RAB3B: variants seen among roughly 807,000 people sequenced by gnomAD.
RAB3B encodes the protein ras-related protein Rab-3B.
In RAB3B, 11 loss-of-function variants were observed where a neutral mutation model predicts 20.5. The ratio of observed to expected loss-of-function variants is 0.54; its 90% CI spans 0.34 to 0.89. The LOEUF (loss-of-function observed/expected upper bound fraction) is 0.89. RAB3B is among the 40% of genes least tolerant of loss of function. The pLI is 0.02. For synonymous variants in RAB3B, 99 were observed against 106.3 expected, an observed-to-expected ratio of 0.93 and a Z score of 0.42; for missense variants, 225 against 280.9, an observed-to-expected ratio of 0.80 and a Z score of 1.42.
intron 1 of RAB3B, among the ~76,000 whole-genome samples, chr1:51,981,568 T>C (rs918989116): frequency 9.9e-5 from 15 of 152,236 alleles, no homozygotes; most frequent in African/African-American, 3.1e-4. Flanking sequence ...ATACCTTCTA[T>C]GCATATTGTA....
intron 1 of RAB3B, among the ~76,000 whole-genome samples, chr1:51,981,576 G>T (rs1158694349): frequency 1.3e-5 from 2 of 152,120 alleles, no homozygotes; most frequent in African/African-American, 2.4e-5. Context: ...TATGCATATT[G>T]TAATAGCTGA....
At chr1:51,968,182 A>G (rs537434823) in intron 2 of RAB3B, among the ~76,000 whole-genome samples, 1 of 152,304 alleles carries the variant, frequency 6.6e-6, no homozygotes, top group Non-Finnish European at 1.5e-5. Flanking sequence ...ACACAGACTG[A>G]AACCAGCCAA....
chr1:51,929,070 A>C (rs1684287131), intron 4 of RAB3B, among the ~76,000 whole-genome samples: 1 of 152,200 alleles, frequency 6.6e-6, no homozygotes, highest in Admixed American at 6.5e-5. Context: ...TGCCTCCCCC[A>C]GCCACTGGGA....
intron 1 of RAB3B, among the ~76,000 whole-genome samples, chr1:51,984,357 C>A (rs1056137373): frequency 9.2e-5 from 13 of 142,046 alleles, no homozygotes; most frequent in Non-Finnish European, 1.5e-4. Flanking sequence ...ACATTATATT[C>A]CATCCTATAG....
rs551835198 is a variant in RAB3B, at chr1:51,930,966, G to A, written c.472+2352C>T. Among the ~76,000 whole-genome samples the A allele has an allele frequency of 1.4e-3, 218 of 151,974 alleles. 3 individuals are homozygous for A. Among genetic ancestry groups the A allele is most frequent in the African/African-American group, 5.0e-3 (208 of 41,404 alleles). ...CGGGAGGCAGAGGTTGCAGTAAGCC[G>A]AGATCGCCCCACTGCACTCCAGCCT... On this transcript the variant is annotated intron_variant, in intron 4 of 4. Coordinates refer to ENST00000371655, the MANE Select transcript of RAB3B (RefSeq NM_002867.4).
intron 1 of RAB3B, among the ~76,000 whole-genome samples, chr1:51,982,418 A>G (rs201158022): frequency 1.3e-5 from 2 of 152,272 alleles, no homozygotes; most frequent in East Asian, 3.9e-4. Flanking sequence ...ATCTCAAAAA[A>G]GGCCATACGG....
chr1:51,959,760 T>A (rs1325890866), intron 2 of RAB3B, among the ~76,000 whole-genome samples: 1 of 152,220 alleles, frequency 6.6e-6, no homozygotes, highest in East Asian at 1.9e-4. Flanking sequence ...TATATCGATA[T>A]TGGTTAATTA....
intron 2 of RAB3B, among the ~76,000 whole-genome samples, chr1:51,947,816 T>C (rs72903986): frequency 0.015 from 2,341 of 152,202 alleles, 64 homozygotes; most frequent in African/African-American, 0.053. Context: ...TAGAAGTCAT[T>C]CAATCCATCC....
At chr1:51,988,299 AC>A (rs1258110384) in intron 1 of RAB3B, among the ~76,000 whole-genome samples, 3 of 152,072 alleles carry the variant, frequency 2.0e-5, no homozygotes, top group Non-Finnish European at 4.4e-5. Flanking sequence ...ACCATTCCCC[AC>A]TGCTGACCCA....
chr1:51,937,522 A>T (rs1384585772), intron 2 of RAB3B, 110 bp from the exon 3 acceptor site: 14 of 652,058 alleles, frequency 2.1e-5, no homozygotes. Flanking sequence ...TTTGAGATGG[A>T]GTTTTGCTCT....
At position 51,933,454 on chromosome 1, in the gene RAB3B, T is replaced by C. The variant is rs1684355139; in HGVS notation, c.348-12A>G. On this transcript the variant is annotated splice_polypyrimidine_tract_variant and intron_variant, in intron 3 of 4. Transcript: ENST00000371655. ...TGATCTGAGTAGCCCTAAAATGAGA[T>C]AGAAAGAGATATGTTAATCATATTC... 5 of 1,606,750 alleles carry C rather than the reference T, an allele frequency of 3.1e-6. No individual in the cohort carries two copies. Among genetic ancestry groups the C allele is most frequent in the South Asian group, 2.2e-5 (2 of 90,576 alleles).
intron 2 of RAB3B, among the ~76,000 whole-genome samples, chr1:51,970,114 CAAAA>C (rs896305804): frequency 4.7e-5 from 7 of 149,276 alleles, no homozygotes; most frequent in African/African-American, 1.7e-4. Flanking sequence ...AACAAACAAA[CAAAA>C]AAACAAAAAC....
intron 4 of RAB3B, among the ~76,000 whole-genome samples, chr1:51,932,408 G>C (rs1352315598): frequency 6.6e-6 from 1 of 152,110 alleles, no homozygotes; most frequent in Admixed American, 6.6e-5. Context: ...CCTTACCCTG[G>C]ACCCCAATAC....
chr1:51,915,623 C>G lies in RAB3B; in HGVS notation c.*4304G>C, dbSNP rs777584197. ...CATTTAAAATAGATGTAAATAAACA[C>G]AATACTGTATTGCACTTTTGGCCAC... On this transcript the variant is annotated 3_prime_UTR_variant, in exon 5 of 5. Coordinates refer to ENST00000371655, the MANE Select transcript of RAB3B (RefSeq NM_002867.4). The G allele has an allele frequency of 7.9e-5, 12 of 152,186 alleles. 1 individual carries two copies. The highest frequency in any genetic ancestry group is 3.9e-4 in the Admixed American group (6 of 15,270). The allele number at this position is 152,186 out of a possible 1,614,324, so 9.4% of individuals were successfully genotyped here.
chr1:51,925,528 T>C (rs952291582), intron 4 of RAB3B, among the ~76,000 whole-genome samples: 2 of 152,218 alleles, frequency 1.3e-5, no homozygotes, highest in African/African-American at 4.8e-5. Flanking sequence ...GCCTGGTCTC[T>C]ACTCCCCCAG....
At position 51,912,828 on chromosome 1, in the gene RAB3B, A is replaced by C. The variant is rs953304001; in HGVS notation, c.*7099T>G. The C allele has an allele frequency of 7.2e-5, 11 of 151,914 alleles. No homozygotes were observed. Among genetic ancestry groups the C allele is most frequent in the Admixed American group, 4.6e-4 (7 of 15,238 alleles). The allele number at this position is 151,914 out of a possible 1,614,324, so 9.4% of individuals were successfully genotyped here. A position where few individuals can be genotyped will look rare whatever the true frequency, so the allele number is the denominator to read the frequency against. On this transcript the variant is annotated 3_prime_UTR_variant, in exon 5 of 5. Transcript: ENST00000371655. ...CAAGGAGGCTGAGAAAAAGAGAAAA[A>C]TCAAAGAATTAAGGATGAGTTTTCT...
chr1:51,942,409 C>T (rs1014805521), intron 2 of RAB3B, among the ~76,000 whole-genome samples: 2 of 152,204 alleles, frequency 1.3e-5, no homozygotes, highest in African/African-American at 4.8e-5. Flanking sequence ...CTCAGTACTA[C>T]CAGTACGTAG....
intron 2 of RAB3B, among the ~76,000 whole-genome samples, chr1:51,965,715 C>A (rs72665012): frequency 0.019 from 2,859 of 151,044 alleles, 46 homozygotes; most frequent in Non-Finnish European, 0.029. Flanking sequence ...TTATTAAATG[C>A]AATACGGTAT....
At chr1:51,959,475 G>A (rs1684756929) in intron 2 of RAB3B, among the ~76,000 whole-genome samples, 2 of 152,198 alleles carry the variant, frequency 1.3e-5, no homozygotes, top group African/African-American at 2.4e-5. Context: ...TCACACCACT[G>A]CACTCCAGCC....
Sources: allele counts gnomAD v4.1 joint callset (sites outside exome capture counted in the v4.1 genomes callset), GRCh38; gene constraint gnomAD v4.1.1; transcripts MANE v1.5; gene names NCBI Gene and HGNC (gene_info 2026-07-23, HGNC 2026-07-21).